Variants in CCSER1 observed in about 807,000 individuals in gnomAD.
The protein encoded by CCSER1 is coiled-coil serine rich protein 1.
CCSER1 carries 41 observed loss-of-function variants against 82.0 expected under a neutral mutation model. That is an observed-to-expected ratio of 0.50 (90% CI 0.39 to 0.65). The LOEUF is 0.65. Among genes scored for constraint, CCSER1 ranks in the 30% least tolerant of loss-of-function variants. The pLI, the probability that CCSER1 is intolerant of heterozygous loss-of-function variation, is 0.00. For missense variants in CCSER1, 1,119 were observed against 1,064.2 expected, an observed-to-expected ratio of 1.05 and a Z score of -0.72; for synonymous variants, 414 against 383.9, an observed-to-expected ratio of 1.08 and a Z score of -0.92.
chr4:90,544,175 T>A (rs1273916375), intron 5 of CCSER1, among the ~76,000 whole-genome samples: 1 of 152,096 alleles, frequency 6.6e-6, no homozygotes, highest in Non-Finnish European at 1.5e-5. Flanking sequence ...GCTATTGGAA[T>A]CCTTTGTCGT....
intron 10 of CCSER1, among the ~76,000 whole-genome samples, chr4:91,553,567 C>T (rs890781171): frequency 5.0e-5 from 4 of 80,076 alleles, no homozygotes; most frequent in Non-Finnish European, 7.4e-5. Context: ...TCCTTACTTA[C>T]GGGAATTTTT....
intron 10 of CCSER1, among the ~76,000 whole-genome samples, chr4:91,315,193 A>C (rs1340310232): frequency 6.6e-6 from 1 of 151,286 alleles, no homozygotes; most frequent in Non-Finnish European, 1.5e-5. Flanking sequence ...GTGTGTAATT[A>C]TTCTTCTGGC....
chr4:90,538,634 C>G (rs546160285), intron 5 of CCSER1, among the ~76,000 whole-genome samples: 2 of 152,110 alleles, frequency 1.3e-5, no homozygotes, highest in South Asian at 4.2e-4. Context: ...TTTATAACAA[C>G]CTTAACGGCT....
At chr4:91,481,330 A>G (rs1470842435) in intron 10 of CCSER1, among the ~76,000 whole-genome samples, 2 of 152,004 alleles carry the variant, frequency 1.3e-5, no homozygotes, top group East Asian at 1.9e-4. Flanking sequence ...TTTTCTCCTT[A>G]GCTTGTAGAT....
rs558034853 is a variant in CCSER1 at position 90,838,785 on chromosome 4, C to T, written c.2094+22940C>T. Reference sequence around the variant, plus strand: ...GTTCTTTGATGTGAAAGGGGCAGCACAGTCATTTAAACTTGATCCAACCTC... The same window carrying T: ...GTTCTTTGATGTGAAAGGGGCAGCATAGTCATTTAAACTTGATCCAACCTC... On this transcript the variant is annotated intron_variant, in intron 8 of 10. Coordinates refer to ENST00000509176, the MANE Select transcript of CCSER1 (RefSeq NM_001145065.2). 7.0e-4 allele frequency: 912 copies of T among 1,304,646 alleles called. 18 individuals carry two copies. The South Asian group carries it at 8.6e-3, about 12-fold the overall frequency. The allele number at this position is 1,304,646 out of a possible 1,614,324, so 80.8% of individuals were successfully genotyped here.
intron 8 of CCSER1, among the ~76,000 whole-genome samples, chr4:90,910,593 A>G (rs894349105): frequency 3.9e-5 from 6 of 152,196 alleles, no homozygotes; most frequent in African/African-American, 1.4e-4. Context: ...ATCACCTGCA[A>G]TCTGCTCTCA....
At chr4:90,599,004 C>T (rs115878277) in intron 5 of CCSER1, among the ~76,000 whole-genome samples, 5,621 of 152,196 alleles carry the variant, frequency 0.037, 160 homozygotes, top group African/African-American at 0.085. Context: ...GGGTTCAGAA[C>T]GTGATAGTGC....
chr4:90,911,843 G>C (rs981151964), intron 8 of CCSER1, among the ~76,000 whole-genome samples: 3 of 152,180 alleles, frequency 2.0e-5, no homozygotes, highest in Non-Finnish European at 4.4e-5. Context: ...TTCCACGCCT[G>C]GCTCAGAGGG....
At chr4:91,205,249 G>C (rs1736243743) in intron 10 of CCSER1, among the ~76,000 whole-genome samples, 1 of 151,674 alleles carries the variant, frequency 6.6e-6, no homozygotes, top group Non-Finnish European at 1.5e-5. Context: ...TTAGCTCACA[G>C]TTTTGGTCAT....
chr4:90,475,250 A>G (rs916612110), intron 5 of CCSER1, among the ~76,000 whole-genome samples: 2 of 152,204 alleles, frequency 1.3e-5, no homozygotes, highest in South Asian at 2.1e-4. Flanking sequence ...AAAAAATTCA[A>G]TACTGAGGCA....
At chr4:91,184,377 G>A (rs2149036150) in intron 10 of CCSER1, among the ~76,000 whole-genome samples, 1 of 152,296 alleles carries the variant, frequency 6.6e-6, no homozygotes, top group East Asian at 1.9e-4. Flanking sequence ...TAAAGAAACA[G>A]TCTTTTAAAT....
At chr4:91,495,304 T>C (rs1758741976) in intron 10 of CCSER1, among the ~76,000 whole-genome samples, 2 of 151,598 alleles carry the variant, frequency 1.3e-5, no homozygotes, top group African/African-American at 4.8e-5. Context: ...GGTATATAAA[T>C]ACTTAAGTTT....
At chr4:90,787,348 C>T (rs1179306121) in intron 7 of CCSER1, among the ~76,000 whole-genome samples, 3 of 152,154 alleles carry the variant, frequency 2.0e-5, no homozygotes, top group Non-Finnish European at 2.9e-5. Flanking sequence ...GTAGCAAAGG[C>T]CACGGAGTTA....
At chr4:91,108,335 T>C (rs1028856436) in intron 10 of CCSER1, among the ~76,000 whole-genome samples, 2 of 152,152 alleles carry the variant, frequency 1.3e-5, no homozygotes, top group African/African-American at 4.8e-5. Flanking sequence ...GGCATTGGGG[T>C]AGATAGTCAC....
rs369591675 is a variant in CCSER1, at chr4:90,308,486, A to G, written c.202A>G (p.Ile68Val). ...GAGGAGCATATTCCGTACTCCTTCC[A>G]TTAGCTTCCACCATAAGAAGGGGAG... ...KRRSIFRTPSISFHHKKGSEP... is the reference protein window; with the variant it reads ...KRRSIFRTPSVSFHHKKGSEP... The change falls in exon 2 of 11, where the codon ATT becomes GTT. Residue 68 changes from isoleucine to valine, a missense_variant. Physicochemically the swap from Ile to Val is conservative, Grantham distance 29. Coordinates refer to ENST00000509176, the MANE Select transcript of CCSER1 (RefSeq NM_001145065.2). 30 of 1,613,824 alleles carry G rather than the reference A, an allele frequency of 1.9e-5. No individual in the cohort carries two copies. In the African/African-American group the frequency reaches 3.6e-4, roughly 19 times the overall value.
intron 10 of CCSER1, among the ~76,000 whole-genome samples, chr4:91,300,160 G>A (rs545095269): frequency 6.6e-6 from 1 of 151,810 alleles, no homozygotes; most frequent in Admixed American, 6.6e-5. Context: ...ATATCAGGGA[G>A]GCCTGTTATA....
At chr4:91,531,037 T>C (rs1339201192) in intron 10 of CCSER1, among the ~76,000 whole-genome samples, 1 of 152,132 alleles carries the variant, frequency 6.6e-6, no homozygotes, top group East Asian at 1.9e-4. Flanking sequence ...TGTATACTTA[T>C]TTATTGAAGA....
chr4:90,626,164 T>C, intron 5 of CCSER1, among the ~76,000 whole-genome samples: 1 of 152,196 alleles, frequency 6.6e-6, no homozygotes. Flanking sequence ...CTGTATGAGT[T>C]GTATGCGTCG....
intron 3 of CCSER1, among the ~76,000 whole-genome samples, chr4:90,397,642 A>G (rs1300679995): frequency 6.6e-6 from 1 of 152,166 alleles, no homozygotes; most frequent in African/African-American, 2.4e-5. Flanking sequence ...CACCAGACAG[A>G]GACTTTTTTT....
Sources: gnomAD v4.1 joint callset for allele counts (sites outside exome capture counted in the v4.1 genomes callset) on GRCh38, gnomAD v4.1.1 for gene constraint, MANE v1.5 for transcripts, NCBI Gene and HGNC (gene_info 2026-07-23, HGNC 2026-07-21) for gene names.